SOX6: variants seen among roughly 807,000 people sequenced by gnomAD.
SOX6 encodes transcription factor SOX-6.
SOX6 carries 11 observed loss-of-function variants against 97.8 expected under a neutral mutation model. The ratio of observed to expected loss-of-function variants is 0.11; its 90% confidence interval spans 0.07 to 0.19. The LOEUF is 0.19. SOX6 is among the 10% of genes least tolerant of loss of function. SOX6 has a pLI of 1.00. For synonymous variants in SOX6, 360 were observed against 371.4 expected, an observed-to-expected ratio of 0.97 and a Z score of 0.35; for missense variants, 810 against 1,039.5, an observed-to-expected ratio of 0.78 and a Z score of 3.04.
chr11:16,493,241 C>G (rs1457410545), intron 4 of SOX6, among the ~76,000 whole-genome samples: 2 of 152,030 alleles, frequency 1.3e-5, no homozygotes, highest in East Asian at 3.9e-4. Context: ...GAATGGAACA[C>G]TATAAAACAA....
intron 1 of SOX6, among the ~76,000 whole-genome samples, chr11:16,468,540 T>C (rs1458118041): frequency 1.3e-5 from 2 of 152,178 alleles, no homozygotes; most frequent in Admixed American, 6.5e-5. Flanking sequence ...GATTAGAAGA[T>C]TGCCTTATGA....
At chr11:16,480,186 T>C (rs970617853), upstream of SOX6, among the ~76,000 whole-genome samples, 1 of 152,188 alleles carries the variant, frequency 6.6e-6, no homozygotes, top group African/African-American at 2.4e-5. Flanking sequence ...ACAAAAATGT[T>C]AACATTGGGC....
At chr11:16,596,440 G>A (rs542091049) in intron 4 of SOX6, among the ~76,000 whole-genome samples, 77 of 152,208 alleles carry the variant, frequency 5.1e-4, no homozygotes, top group African/African-American at 1.6e-3. Context: ...AAACATGTAC[G>A]AGACATTTCA....
chr11:16,475,644 C>T (rs964844707), intron 1 of SOX6, among the ~76,000 whole-genome samples: 5 of 152,116 alleles, frequency 3.3e-5, no homozygotes, highest in Admixed American at 6.5e-5. Context: ...AATTATAGAT[C>T]GTCATAACAG....
chr11:16,605,326 GC>G lies in SOX6; in HGVS notation n.609+6754del, dbSNP rs1054240555. Among the ~76,000 whole-genome samples, 2 of 152,122 alleles carry G rather than the reference GC, an allele frequency of 1.3e-5. No homozygotes were observed. Among genetic ancestry groups the G allele is most frequent in the Non-Finnish European group, 2.9e-5 (2 of 67,998 alleles). The stretch of plus-strand genomic sequence containing the variant: ...GCCCGGCGGGGCTGAACTACCCCTC[GC>G]CCCCGCTCCCGCCAGGTCAGGCACC... On this transcript the variant is annotated intron_variant and non_coding_transcript_variant, in intron 4 of 5. Transcript: ENST00000524520. The surrounding 1 kb of genome is among the most constrained non-coding windows in gnomAD (Gnocchi z 5.3).
chr11:16,203,811 C>G (rs1004403827), intron 4 of SOX6, among the ~76,000 whole-genome samples: 39 of 152,166 alleles, frequency 2.6e-4, no homozygotes, highest in African/African-American at 8.7e-4. Context: ...TTGTTACTAT[C>G]ATTCATGTTA....
chr11:16,594,684 C>CTTTTTTTTTTTTT lies in SOX6; in HGVS notation n.609+17384_609+17396dup, dbSNP rs10653599. Among the ~76,000 whole-genome samples the CTTTTTTTTTTTTT allele has an allele frequency of 3.4e-4, 23 of 68,264 alleles. 4 individuals are homozygous for CTTTTTTTTTTTTT. The highest frequency in any genetic ancestry group is 1.0e-3 in the African/African-American group (16 of 16,026). 44.8% of individuals were successfully genotyped at this position (68,264 alleles called of 152,430 possible). On this transcript the variant is annotated intron_variant and non_coding_transcript_variant, in intron 4 of 5. Transcript: ENST00000524520. ...ATTTTTATTTTCTTTTCGGTTTTTG[C>CTTTTTTTTTTTTT]TTTTTTTTTTTTTTTTTTTTTTTTT...
intron 4 of SOX6, among the ~76,000 whole-genome samples, chr11:16,560,942 T>A (rs1227081641): frequency 6.6e-6 from 1 of 152,036 alleles, no homozygotes; most frequent in African/African-American, 2.4e-5. Flanking sequence ...GGCATAACAA[T>A]GATATAATGG....
At chr11:16,050,655 C>G (rs2133914561) in intron 10 of SOX6, among the ~76,000 whole-genome samples, 1 of 152,240 alleles carries the variant, frequency 6.6e-6, no homozygotes. Context: ...TACAGAATGT[C>G]TATTTTAAGA....
chr11:16,283,921 GA>G, intron 3 of SOX6: 1 of 429,702 alleles, frequency 2.3e-6, no homozygotes, highest in Non-Finnish European at 4.6e-6. Flanking sequence ...AAGACTTGCT[GA>G]AAAATATAAA....
intron 6 of SOX6, among the ~76,000 whole-genome samples, chr11:16,140,840 A>T (rs1564978285): frequency 6.6e-6 from 1 of 152,326 alleles, no homozygotes; most frequent in East Asian, 1.9e-4. Context: ...ATAATATAAC[A>T]AAAAGTGGGT....
At chr11:16,201,174 A>G (rs1851925870) in intron 4 of SOX6, among the ~76,000 whole-genome samples, 1 of 152,050 alleles carries the variant, frequency 6.6e-6, no homozygotes, top group African/African-American at 2.4e-5. Context: ...CATAAAATAC[A>G]TCATCCAACC....
At chr11:16,155,138 G>A (rs1319294225) in intron 6 of SOX6, among the ~76,000 whole-genome samples, 3 of 152,058 alleles carry the variant, frequency 2.0e-5, no homozygotes, top group African/African-American at 7.2e-5. Flanking sequence ...TGGCAAATGA[G>A]TCTACAGGTT....
At chr11:16,638,354 C>T (rs75204158) in intron 3 of SOX6, among the ~76,000 whole-genome samples, 40,659 of 151,806 alleles carry the variant, frequency 0.27, 6,189 homozygotes, top group East Asian at 0.53. Flanking sequence ...TGAATAGTGC[C>T]GCAATAAACA....
At chr11:16,457,836 C>T (rs1859841883) in intron 1 of SOX6, among the ~76,000 whole-genome samples, 1 of 152,052 alleles carries the variant, frequency 6.6e-6, no homozygotes, top group Non-Finnish European at 1.5e-5. Context: ...TGAAGTTATA[C>T]TGACTCACAC....
At chr11:16,291,762 AAC>A (rs1216990162) in intron 3 of SOX6, among the ~76,000 whole-genome samples, 6 of 152,138 alleles carry the variant, frequency 3.9e-5, no homozygotes, top group African/African-American at 1.4e-4. Context: ...GGAGAATTAT[AAC>A]ACATATGGGA....
intron 3 of SOX6, among the ~76,000 whole-genome samples, chr11:16,246,798 T>C (rs1853348248): frequency 6.6e-6 from 1 of 152,136 alleles, no homozygotes. Context: ...ATAATAGTTG[T>C]ATATATTTAC....
intron 13 of SOX6, among the ~76,000 whole-genome samples, chr11:16,006,833 T>C (rs7129224): frequency 0.09 from 13,614 of 152,082 alleles, 1,254 homozygotes; most frequent in East Asian, 0.36. Context: ...TCCATGCCCA[T>C]AACAGTATGG....
intron 7 of SOX6, among the ~76,000 whole-genome samples, chr11:16,110,677 C>T (rs1849208084): frequency 2.6e-5 from 4 of 152,084 alleles, no homozygotes; most frequent in Admixed American, 2.6e-4. Context: ...CACAGACATC[C>T]TACCTTTTCT....
Sources: gnomAD v4.1 joint callset for allele counts (sites outside exome capture counted in the v4.1 genomes callset) on GRCh38, gnomAD v4.1.1 for gene constraint, Gnocchi (gnomAD v3.1) non-coding constraint, MANE v1.5 for transcripts, NCBI Gene and HGNC (gene_info 2026-07-23, HGNC 2026-07-21) for gene names.